Variants in LAMA2 observed in about 807,000 individuals in gnomAD.
The protein encoded by LAMA2 is laminin subunit alpha-2.
Under a neutral mutation model 364.8 loss-of-function variants are expected in LAMA2, and 269 were observed. That is an observed-to-expected ratio of 0.74 (90% CI 0.67 to 0.82). The LOEUF is 0.82. Ranked by LOEUF, LAMA2 falls within the 40% of genes least tolerant of loss-of-function variation. LAMA2 has a pLI of 0.00. For missense variants in LAMA2, 3,807 were observed against 3,873.2 expected, an observed-to-expected ratio of 0.98 and a Z score of 0.45; for synonymous variants, 1,379 against 1,370.6, an observed-to-expected ratio of 1.01 and a Z score of -0.14.
chr6:129,325,621 A>G (rs1775232159), intron 28 of LAMA2, among the ~76,000 whole-genome samples: 1 of 152,080 alleles, frequency 6.6e-6, no homozygotes, highest in African/African-American at 2.4e-5. Context: ...TACCTCATAG[A>G]AATTTAATCC....
intron 32 of LAMA2, among the ~76,000 whole-genome samples, chr6:129,358,173 G>T (rs1381567251): frequency 6.6e-6 from 1 of 151,948 alleles, no homozygotes; most frequent in Non-Finnish European, 1.5e-5. Flanking sequence ...GTTAGTAAAA[G>T]ATATTTGAGT....
At chr6:129,270,308 C>T (rs1302805110) in intron 16 of LAMA2, among the ~76,000 whole-genome samples, 1 of 91,920 alleles carries the variant, frequency 1.1e-5, no homozygotes, top group Non-Finnish European at 2.6e-5. Flanking sequence ...CACACACACA[C>T]ACACACACGC....
intron 33 of LAMA2, among the ~76,000 whole-genome samples, chr6:129,367,217 C>G (rs912906563): frequency 6.6e-6 from 1 of 152,050 alleles, no homozygotes; most frequent in Non-Finnish European, 1.5e-5. Flanking sequence ...GTTGTTTCAC[C>G]TGATGGAAAA....
In LAMA2 at chr6:129,098,186, C is replaced by T. The variant is rs138964034; in HGVS notation, c.410C>T (p.Ala137Val). ...TLDLQQVFQIAYVIVKAANSP... is the reference protein window; with the variant it reads ...TLDLQQVFQIVYVIVKAANSP... ...ATACTTCCCTAGGTGTTCCAGATCGCGTATGTGATTGTGAAGGCAGCTAAC... is the reference window on the plus strand; with the variant it reads ...ATACTTCCCTAGGTGTTCCAGATCGTGTATGTGATTGTGAAGGCAGCTAAC... The change falls in exon 4 of 65, where the codon GCG becomes GTG. Residue 137 changes from alanine (A) to valine (V), a missense_variant. Ala to Val is a moderately conservative substitution (Grantham distance 64, BLOSUM62 0). Around this residue, in one of 3 missense-constraint regions of LAMA2, gnomAD observed 394 missense variants for 403.5 expected, o/e 0.98. Coordinates refer to ENST00000421865, the MANE Select transcript of LAMA2 (RefSeq NM_000426.4). 16 of 1,613,776 alleles carry T rather than the reference C, an allele frequency of 9.9e-6. No homozygotes were observed. The highest frequency in any genetic ancestry group is 4.0e-5 in the African/African-American group (3 of 74,828).
intron 58 of LAMA2, among the ~76,000 whole-genome samples, chr6:129,494,383 A>G (rs1388543616): frequency 2.6e-5 from 4 of 152,260 alleles, no homozygotes; most frequent in African/African-American, 9.6e-5. Context: ...TTTGTAAAAT[A>G]GAGATATTTC....
intron 1 of LAMA2, among the ~76,000 whole-genome samples, chr6:128,899,326 C>A (rs759585818): frequency 1.3e-5 from 2 of 152,170 alleles, no homozygotes; most frequent in Non-Finnish European, 2.9e-5. Flanking sequence ...GAAGACCAAT[C>A]CAATCATATT....
chr6:129,252,358 C>A (rs1016400867), intron 14 of LAMA2, 63 bp downstream of exon 14: 2 of 1,289,078 alleles, frequency 1.6e-6, no homozygotes, highest in Non-Finnish European at 1.1e-6. Context: ...GTGCAGGAGC[C>A]GCCCCAGGAG....
Position 129,287,887 on chromosome 6 carries a change from G to T in LAMA2, c.2578G>T (p.Gly860Ter). 6.2e-7 allele frequency: 1 copy of T among 1,614,004 alleles called. No individual in the cohort carries two copies. The highest frequency in any genetic ancestry group is 8.5e-7 in the Non-Finnish European group (1 of 1,179,932). Residue 860 changes from glycine (G) to a stop codon, truncating the protein, a stop_gained, in exon 19 of 65, where the codon GGA (glycine) becomes TGA (stop). Transcript: ENST00000421865. LOFTEE classifies it high-confidence loss of function. ...TTTTGGACAACCCTCTGTACCTGGA[G>T]GATCATGTCAGCCATGCCAATGCAA... ...GYFGQPSVPG[G>*]SCQPCQCNDN...
intron 12 of LAMA2, among the ~76,000 whole-genome samples, chr6:129,221,542 T>C (rs1329433333): frequency 6.6e-6 from 1 of 152,116 alleles, no homozygotes; most frequent in Non-Finnish European, 1.5e-5. Context: ...ATCAGTATCA[T>C]TATCAAAGAG....
chr6:128,987,018 T>C (rs1783283942), intron 1 of LAMA2, among the ~76,000 whole-genome samples: 1 of 152,136 alleles, frequency 6.6e-6, no homozygotes, highest in Non-Finnish European at 1.5e-5. Flanking sequence ...GTTTAAACAG[T>C]CCGCTTAAGA....
rs1320306177 is a variant in LAMA2, at chr6:129,149,061, G to A, written c.992G>A (p.Arg331Lys). ...CCPGFHQKPWRAGTFLTKTEC... is the reference protein window; with the variant it reads ...CCPGFHQKPWKAGTFLTKTEC... ...CCAGGATTCCATCAGAAACCCTGGA[G>A]AGCTGGAACTTTTCTAACTAAAACT... Residue 331 changes from arginine (R) to lysine (K), a missense_variant, in exon 7 of 65, where the codon AGA becomes AAA. Arg to Lys is a conservative substitution (Grantham distance 26). Around this residue, in one of 3 missense-constraint regions of LAMA2, gnomAD observed 80 missense variants for 124.0 expected, o/e 0.65. Transcript: ENST00000421865. 4 of 1,611,672 alleles carry A rather than the reference G, an allele frequency of 2.5e-6. No homozygotes were observed. The highest frequency in any genetic ancestry group is 3.4e-6 in the Non-Finnish European group (4 of 1,178,068).
intron 22 of LAMA2, among the ~76,000 whole-genome samples, chr6:129,304,377 C>T (rs1208215476): frequency 6.6e-6 from 1 of 152,150 alleles, no homozygotes; most frequent in Non-Finnish European, 1.5e-5. Flanking sequence ...CATTCTCCTG[C>T]CTCAGCCTCC....
intron 51 of LAMA2, among the ~76,000 whole-genome samples, chr6:129,466,465 AT>A (rs1392002019): frequency 6.6e-6 from 1 of 151,910 alleles, no homozygotes; most frequent in East Asian, 1.9e-4. Flanking sequence ...TTCCAGCTGC[AT>A]TTCCAACAGG....
intron 8 of LAMA2, among the ~76,000 whole-genome samples, chr6:129,165,110 A>G (rs143484264): frequency 2.0e-5 from 3 of 152,118 alleles, no homozygotes; most frequent in Admixed American, 1.3e-4. Context: ...ACAAGTTTTC[A>G]TTTGTAAATT....
rs1368463181 is a variant in LAMA2 at position 129,509,070 on chromosome 6, T to C, written c.8857+1428T>C. On this transcript the variant is annotated intron_variant, in intron 62 of 64. Coordinates refer to ENST00000421865, the MANE Select transcript of LAMA2 (RefSeq NM_000426.4). ...TTAACTTGGGTGAGATGATAGCTCA[T>C]TGTAGTTTTGATTTGCATTTCTCTG... Among the ~76,000 whole-genome samples the C allele has an allele frequency of 9.9e-5, 15 of 152,220 alleles. No homozygotes were observed. In the East Asian group the frequency reaches 2.9e-3, roughly 29 times the overall value.
chr6:129,134,113 T>G (rs562546168), intron 4 of LAMA2, among the ~76,000 whole-genome samples: 184 of 152,358 alleles, frequency 1.2e-3, no homozygotes, highest in African/African-American at 4.3e-3. Context: ...AGTTTTCCTT[T>G]GAGCTGCTGT....
chr6:129,392,922 C>T (rs1477085429), intron 36 of LAMA2, 123 bp from the exon 37 acceptor site: 1 of 756,164 alleles, frequency 1.3e-6, no homozygotes, highest in Non-Finnish European at 2.2e-6. Flanking sequence ...ATCTATTTTA[C>T]ATGTTTTCTT....
chr6:129,259,249 A>G (rs1294159804), intron 14 of LAMA2, among the ~76,000 whole-genome samples: 1 of 152,148 alleles, frequency 6.6e-6, no homozygotes, highest in Admixed American at 6.6e-5. Flanking sequence ...TACACCTTGT[A>G]ATGAGCCTTT....
chr6:128,915,954 CA>C (rs1778286153), intron 1 of LAMA2, among the ~76,000 whole-genome samples: 1 of 152,108 alleles, frequency 6.6e-6, no homozygotes, highest in Non-Finnish European at 1.5e-5. Flanking sequence ...ATGTGTAATA[CA>C]GCTAATTAGT....
Sources: allele counts gnomAD v4.1 joint callset (sites outside exome capture counted in the v4.1 genomes callset), GRCh38; gene constraint gnomAD v4.1.1; regional missense constraint gnomAD v4.1.1; transcripts MANE v1.5; gene names NCBI Gene and HGNC (gene_info 2026-07-23, HGNC 2026-07-21).